GDPD5: variants seen among roughly 807,000 people sequenced by gnomAD.
GDPD5 encodes glycerophosphodiester phosphodiesterase domain containing 5.
Under a neutral mutation model 75.1 loss-of-function variants are expected in GDPD5, and 48 were observed. That is an observed-to-expected ratio of 0.64 (90% CI 0.51 to 0.81). The LOEUF (loss-of-function observed/expected upper bound fraction) is 0.81. GDPD5 is among the 40% of genes least tolerant of loss of function. The probability of loss-of-function intolerance (pLI) is 0.00; values close to 1 mark genes in which losing one functional copy is unlikely to be tolerated. For synonymous variants in GDPD5, 336 were observed against 339.0 expected (o/e 0.99, Z 0.10); for missense variants, 706 against 822.6 (o/e 0.86, Z 1.73).
intron 15 of GDPD5, chr11:75,439,334 A>C: frequency 2.2e-6 from 1 of 456,384 alleles, no homozygotes; most frequent in South Asian, 1.5e-5. Context: ...ACCACACCAG[A>C]ATTACCTGAT....
At chr11:75,439,302 G>C in intron 15 of GDPD5, 1 of 455,868 alleles carries the variant, frequency 2.2e-6, no homozygotes, top group Non-Finnish European at 4.4e-6. Context: ...GAGGGAGAAA[G>C]AGGAACAGAA....
chr11:75,469,488 C>A (rs142814631), intron 3 of GDPD5, among the ~76,000 whole-genome samples: 74 of 152,300 alleles, frequency 4.9e-4, no homozygotes, highest in African/African-American at 1.6e-3. Context: ...TGTGTACCTC[C>A]AGTGTCCCCA....
At chr11:75,524,014 C>T (rs1315347540) in intron 1 of GDPD5, among the ~76,000 whole-genome samples, 1 of 152,234 alleles carries the variant, frequency 6.6e-6, no homozygotes, top group Non-Finnish European at 1.5e-5. Flanking sequence ...AGAATAAGAG[C>T]CCACAGAGTC....
chr11:75,514,608 C>T (rs1950599295), intron 1 of GDPD5, among the ~76,000 whole-genome samples: 1 of 152,192 alleles, frequency 6.6e-6, no homozygotes, highest in African/African-American at 2.4e-5. Context: ...GACAGTTGAA[C>T]CCCCAAGCTC....
intron 2 of GDPD5, among the ~76,000 whole-genome samples, chr11:75,478,640 T>C (rs1949834413): frequency 6.6e-6 from 1 of 152,248 alleles, no homozygotes; most frequent in Non-Finnish European, 1.5e-5. Context: ...TTTTTGTCTG[T>C]TGTATTTTCT....
chr11:75,488,565 C>T (rs1384413161), intron 2 of GDPD5, among the ~76,000 whole-genome samples: 1 of 152,150 alleles, frequency 6.6e-6, no homozygotes, highest in Non-Finnish European at 1.5e-5. Flanking sequence ...GCTCCAAAGA[C>T]ACCACCTACC....
At position 75,457,688 on chromosome 11, in the gene GDPD5, T is replaced by G. The variant is rs764446965; in HGVS notation, c.315+5A>C. The G allele has an allele frequency of 1.9e-6, 3 of 1,613,854 alleles. No individual in the cohort carries two copies. Among genetic ancestry groups the G allele is most frequent in the South Asian group, 1.1e-5 (1 of 91,062 alleles). On this transcript the variant is annotated splice_donor_5th_base_variant and intron_variant, in intron 5 of 16. Coordinates refer to ENST00000336898, the MANE Select transcript of GDPD5 (RefSeq NM_030792.8). The stretch of plus-strand genomic sequence containing the variant: ...CCACCTGCCCTCCAAAACAGCCCCA[T>G]GTACCAGGAGGCCAGCGATGTATGC...
In GDPD5 at chr11:75,525,511, C is replaced by G. The variant is rs530703144; in HGVS notation, c.-446G>C. On this transcript the variant is annotated 5_prime_UTR_variant, in exon 1 of 17. Transcript: ENST00000336898. Reference sequence around the variant, plus strand: ...TGCACCGGAGGCGAGGGCCTGGGGCCACACTGCGCTAGCCCTGGAGCTGGG... The same window carrying G: ...TGCACCGGAGGCGAGGGCCTGGGGCGACACTGCGCTAGCCCTGGAGCTGGG... 1 of 152,642 alleles carries G rather than the reference C, an allele frequency of 6.6e-6. No homozygotes were observed. Among genetic ancestry groups the G allele is most frequent in the African/African-American group, 2.4e-5 (1 of 41,590 alleles). The allele number at this position is 152,642 out of a possible 1,614,324, so 9.5% of individuals were successfully genotyped here. A position where few individuals can be genotyped will look rare whatever the true frequency, so the allele number is the denominator to read the frequency against.
chr11:75,503,719 A>G (rs976483264), intron 1 of GDPD5, among the ~76,000 whole-genome samples: 37 of 152,252 alleles, frequency 2.4e-4, no homozygotes, highest in African/African-American at 8.7e-4. Context: ...TGCACCATGC[A>G]AATGAGTCTG....
chr11:75,474,000 G>A (rs1949728718), intron 3 of GDPD5, among the ~76,000 whole-genome samples: 1 of 152,208 alleles, frequency 6.6e-6, no homozygotes, highest in Admixed American at 6.5e-5. Context: ...CCCAGAGCAG[G>A]TAGCAGGACA....
At chr11:75,457,619 A>C in intron 5 of GDPD5, 74 bp downstream of exon 5, 1 of 1,252,782 alleles carries the variant, frequency 8.0e-7, no homozygotes, top group Non-Finnish European at 1.2e-6. Context: ...GGGACCCTCC[A>C]TCAGCCCAGC....
At chr11:75,507,368 A>G (rs534754334) in intron 1 of GDPD5, among the ~76,000 whole-genome samples, 9 of 152,306 alleles carry the variant, frequency 5.9e-5, no homozygotes, top group African/African-American at 2.2e-4. Context: ...GCTTCCTGGG[A>G]CCACTTCTTC....
chr11:75,518,667 C>T (rs80340100), intron 1 of GDPD5, among the ~76,000 whole-genome samples: 4,125 of 152,220 alleles, frequency 0.027, 181 homozygotes, highest in African/African-American at 0.094. Context: ...CCCCATTTTA[C>T]AAAATGGGCA....
chr11:75,512,184 T>A (rs1358537354), intron 1 of GDPD5, among the ~76,000 whole-genome samples: 2 of 152,014 alleles, frequency 1.3e-5, no homozygotes, highest in Admixed American at 6.6e-5. Flanking sequence ...AATGGCTGAC[T>A]GGTTGAATAG....
At chr11:75,516,158 A>C (rs557669713) in intron 1 of GDPD5, 2 of 152,478 alleles carry the variant, frequency 1.3e-5, no homozygotes, top group Admixed American at 6.5e-5. Flanking sequence ...AGGAAGCATA[A>C]ATGGGGGACT....
At chr11:75,462,752 G>T in intron 4 of GDPD5, 34 bp downstream of exon 4, 2 of 1,540,350 alleles carry the variant, frequency 1.3e-6, no homozygotes, top group Non-Finnish European at 1.8e-6. Context: ...CCAGCTCTGG[G>T]CCCCTTCCTC....
chr11:75,449,189 C>T, intron 8 of GDPD5, 67 bp from the exon 9 acceptor site: 1 of 1,512,226 alleles, frequency 6.6e-7, no homozygotes, highest in Non-Finnish European at 8.8e-7. Flanking sequence ...ATGCTGGACC[C>T]CTCTACCCCC....
rs1941644296 is a variant in GDPD5 at position 75,525,767 on chromosome 11, C to G, written c.-702G>C. ...AGTCTTTCCAGGTCCCGACTCGGCT[C>G]TCTCTGCAAAACGGGGCGAACCTCG... is the stretch of plus-strand genomic sequence containing the variant. On this transcript the variant is annotated 5_prime_UTR_variant, in exon 1 of 17. Transcript: ENST00000336898. The G allele has an allele frequency of 6.6e-6, 1 of 151,218 alleles. No homozygotes were observed. The highest frequency in any genetic ancestry group is 1.5e-5 in the Non-Finnish European group (1 of 67,740). 9.4% of individuals were successfully genotyped at this position (151,218 alleles called of 1,614,324 possible).
intron 2 of GDPD5, among the ~76,000 whole-genome samples, chr11:75,480,327 C>CA (rs142189915): frequency 0.041 from 4,899 of 120,404 alleles, 260 homozygotes; most frequent in African/African-American, 0.13. Flanking sequence ...ATCTCCATCT[C>CA]AAAAAAAAAA....
Sources: gnomAD v4.1 joint callset for allele counts (sites outside exome capture counted in the v4.1 genomes callset) on GRCh38, gnomAD v4.1.1 for gene constraint, MANE v1.5 for transcripts, NCBI Gene and HGNC (gene_info 2026-07-23, HGNC 2026-07-21) for gene names.